Variants in GLG1 observed in about 807,000 individuals in gnomAD.
GLG1 encodes the protein Golgi apparatus protein 1.
In GLG1, 38 loss-of-function variants were observed where a neutral mutation model predicts 160.5. The ratio of observed to expected loss-of-function variants is 0.24; its 90% CI spans 0.18 to 0.31. The LOEUF is 0.31. GLG1 is among the 10% of genes least tolerant of loss of function. The probability of loss-of-function intolerance (pLI) is 1.00; values close to 1 mark genes in which losing one functional copy is unlikely to be tolerated. For missense variants in GLG1, 1,373 were observed against 1,505.2 expected, an observed-to-expected ratio of 0.91 and a Z score of 1.45; for synonymous variants, 644 against 543.4, an observed-to-expected ratio of 1.19 and a Z score of -2.57.
chr16:74,486,683 T>A (rs62052082), intron 8 of GLG1, among the ~76,000 whole-genome samples: 4,499 of 152,216 alleles, frequency 0.03, 89 homozygotes, highest in Non-Finnish European at 0.046. Context: ...ATGAAAAAGC[T>A]CTAAATTAAA....
intron 16 of GLG1, chr16:74,469,654 G>A (rs1328456748): frequency 1.4e-5 from 4 of 290,846 alleles, no homozygotes; most frequent in East Asian, 1.2e-4. Flanking sequence ...ACGGGACGAC[G>A]CAGGGAAGAG....
At chr16:74,564,037 C>G (rs1248426844) in intron 1 of GLG1, among the ~76,000 whole-genome samples, 1 of 152,192 alleles carries the variant, frequency 6.6e-6, no homozygotes, top group Non-Finnish European at 1.5e-5. Flanking sequence ...ATCCTCCCAC[C>G]CAGCCTCCTG....
chr16:74,478,354 A>G (rs1371890159), intron 11 of GLG1, among the ~76,000 whole-genome samples: 15 of 152,300 alleles, frequency 9.8e-5, no homozygotes, highest in Non-Finnish European at 1.5e-5. Context: ...CTTCTAGATG[A>G]GCTATGAAGA....
chr16:74,562,133 A>T (rs1402009472), intron 1 of GLG1, among the ~76,000 whole-genome samples: 2 of 152,264 alleles, frequency 1.3e-5, no homozygotes, highest in African/African-American at 4.8e-5. Context: ...CTCACGGGGC[A>T]TTCCTGGAGA....
At chr16:74,478,540 TG>T (rs1270973072) in intron 11 of GLG1, among the ~76,000 whole-genome samples, 2 of 152,080 alleles carry the variant, frequency 1.3e-5, no homozygotes, top group African/African-American at 4.8e-5. Flanking sequence ...TTTGGAGTCA[TG>T]GAGTGTTTTG....
chr16:74,517,616 A>C (rs2017020066), intron 2 of GLG1, among the ~76,000 whole-genome samples: 1 of 152,190 alleles, frequency 6.6e-6, no homozygotes, highest in Non-Finnish European at 1.5e-5. Flanking sequence ...AAAAACTAGA[A>C]GCATTCCCTT....
At chr16:74,462,759 A>G in intron 20 of GLG1, 129 bp from the exon 21 acceptor site, 2 of 837,204 alleles carry the variant, frequency 2.4e-6, no homozygotes, top group Non-Finnish European at 4.0e-6. Flanking sequence ...TATCTATTCA[A>G]TAAACATTTA....
chr16:74,567,593 G>A (rs1160460100), intron 1 of GLG1, among the ~76,000 whole-genome samples: 2 of 112,550 alleles, frequency 1.8e-5, no homozygotes, highest in African/African-American at 3.5e-5. Flanking sequence ...ACGGAGTCTC[G>A]CTCTGTCGCC....
chr16:74,518,103 T>A (rs978728301), intron 2 of GLG1, among the ~76,000 whole-genome samples: 1 of 152,088 alleles, frequency 6.6e-6, no homozygotes, highest in Non-Finnish European at 1.5e-5. Context: ...AGAATCAATA[T>A]CGTGAAAATG....
At chr16:74,584,287 A>G (rs1957999189) in intron 1 of GLG1, among the ~76,000 whole-genome samples, 1 of 152,196 alleles carries the variant, frequency 6.6e-6, no homozygotes, top group Admixed American at 6.6e-5. Flanking sequence ...CGGCTTCGAA[A>G]AACATTGACT....
intron 1 of GLG1, among the ~76,000 whole-genome samples, chr16:74,606,386 G>T (rs955912279): frequency 2.0e-5 from 3 of 152,208 alleles, no homozygotes; most frequent in African/African-American, 7.2e-5. Context: ...GAACAGACAC[G>T]CTCTGGGCCT....
intron 1 of GLG1, among the ~76,000 whole-genome samples, chr16:74,596,829 G>A (rs1223661483): frequency 6.6e-6 from 1 of 152,088 alleles, no homozygotes; most frequent in Non-Finnish European, 1.5e-5. Flanking sequence ...ATAATAGGAT[G>A]TAATAGGCTG....
At position 74,489,178 on chromosome 16, in the gene GLG1, A is replaced by T. The variant is rs189719187; in HGVS notation, c.1449+1823T>A. ...TACTACAAGTGTAGCCTCAGTAAAA[A>T]GACAGGTTTAGGCCGGGCATGGTGG... On this transcript the variant is annotated intron_variant, in intron 8 of 25. Coordinates refer to ENST00000422840, the MANE Select transcript of GLG1 (RefSeq NM_001145667.2). 3.9e-5 allele frequency among the ~76,000 whole-genome samples: 6 copies of T among 152,168 alleles called. No homozygotes were observed. In the East Asian group the frequency reaches 1.2e-3, roughly 30 times the overall value.
chr16:74,537,254 A>C (rs966148265), intron 1 of GLG1, among the ~76,000 whole-genome samples: 1 of 152,186 alleles, frequency 6.6e-6, no homozygotes, highest in Non-Finnish European at 1.5e-5. Context: ...ATGCTGTATA[A>C]ATGATACAGC....
At chr16:74,522,074 T>C (rs1191520987) in intron 2 of GLG1, among the ~76,000 whole-genome samples, 2 of 152,250 alleles carry the variant, frequency 1.3e-5, no homozygotes, top group Middle Eastern at 6.3e-3. Flanking sequence ...ATCAGGGTCA[T>C]TTTAATTATA....
At chr16:74,488,646 G>A (rs928895199) in intron 8 of GLG1, among the ~76,000 whole-genome samples, 1 of 151,968 alleles carries the variant, frequency 6.6e-6, no homozygotes, top group Non-Finnish European at 1.5e-5. Context: ...TTGAGGTGGA[G>A]TCTTGCTCTA....
At chr16:74,600,286 G>A (rs1349131172) in intron 1 of GLG1, among the ~76,000 whole-genome samples, 1 of 151,966 alleles carries the variant, frequency 6.6e-6, no homozygotes, top group Non-Finnish European at 1.5e-5. Context: ...CCAGCTACTC[G>A]GGAGGCTGAA....
intron 1 of GLG1, among the ~76,000 whole-genome samples, chr16:74,543,910 G>T (rs2017972458): frequency 6.6e-6 from 1 of 152,092 alleles, no homozygotes. Flanking sequence ...GGGGGGAGAT[G>T]GGATAAAAAG....
intron 1 of GLG1, among the ~76,000 whole-genome samples, chr16:74,573,825 A>G (rs1399570748): frequency 6.8e-6 from 1 of 147,780 alleles, no homozygotes; most frequent in Admixed American, 6.8e-5. Flanking sequence ...ACGGGGTCTC[A>G]CTCTGTCACC....
Sources: gnomAD v4.1 joint callset for allele counts (sites outside exome capture counted in the v4.1 genomes callset) on GRCh38, gnomAD v4.1.1 for gene constraint, MANE v1.5 for transcripts, NCBI Gene and HGNC (gene_info 2026-07-23, HGNC 2026-07-21) for gene names.